The following RGS17 variants were observed in gnomAD, a reference collection of about 807,000 sequenced individuals.
RGS17 encodes regulator of G protein signaling 17.
Under a neutral mutation model 25.5 loss-of-function variants are expected in RGS17, and 12 were observed. The ratio of observed to expected loss-of-function variants is 0.47; its 90% CI spans 0.30 to 0.76. RGS17 has a LOEUF of 0.76. RGS17 is among the 30% of genes least tolerant of loss of function. The pLI is 0.07. For missense variants in RGS17, 196 were observed against 242.2 expected, an observed-to-expected ratio of 0.81 and a Z score of 1.27; for synonymous variants, 71 against 76.9, an observed-to-expected ratio of 0.92 and a Z score of 0.40.
Position 153,102,210 on chromosome 6 carries a change from G to A in RGS17, c.-26+28914C>T, listed in dbSNP as rs193058176. Among the ~76,000 whole-genome samples, 503 of 152,328 alleles carry A rather than the reference G, an allele frequency of 3.3e-3. 3 individuals carry two copies. Among genetic ancestry groups the A allele is most frequent in the African/African-American group, 0.011 (470 of 41,572 alleles). ...TGATGGGACACCAGCAAGGAGGACA[G>A]GAAATGGAACATGACAGAGACACAC... On this transcript the variant is annotated intron_variant, in intron 1 of 4. Coordinates refer to ENST00000206262, the MANE Select transcript of RGS17 (RefSeq NM_012419.5).
rs1362419825 is a variant in RGS17, at chr6:153,008,443, TCTA to T, written c.*3128_*3130del. 1 of 152,212 alleles carries T rather than the reference TCTA, an allele frequency of 6.6e-6. No individual in the cohort carries two copies. The highest frequency in any genetic ancestry group is 2.4e-5 in the African/African-American group (1 of 41,460). The allele number at this position is 152,212 out of a possible 1,614,324, so 9.4% of individuals were successfully genotyped here. A position where few individuals can be genotyped will look rare whatever the true frequency, so the allele number is the denominator to read the frequency against. On this transcript the variant is annotated 3_prime_UTR_variant, in exon 5 of 5. Coordinates refer to ENST00000206262, the MANE Select transcript of RGS17 (RefSeq NM_012419.5). Reference sequence around the variant, plus strand: ...CACACTCCAACACTGTCAGAGCATCTCTACTACCTTTGGATAACATCATAACAG... The same window carrying T: ...CACACTCCAACACTGTCAGAGCATCTCTACCTTTGGATAACATCATAACAG...
chr6:153,050,875 C>T (rs1248303763), intron 1 of RGS17, among the ~76,000 whole-genome samples: 3 of 148,018 alleles, frequency 2.0e-5, no homozygotes, highest in Admixed American at 1.3e-4. Context: ...GGAGATGGGG[C>T]CAAATATAAT....
intron 1 of RGS17, among the ~76,000 whole-genome samples, chr6:153,114,681 T>C (rs544626460): frequency 6.2e-4 from 95 of 152,224 alleles, no homozygotes; most frequent in African/African-American, 2.2e-3. Flanking sequence ...AAATCCTCAA[T>C]AAGATACTGG....
chr6:153,081,267 C>T (rs906325400), intron 1 of RGS17, among the ~76,000 whole-genome samples: 1 of 151,876 alleles, frequency 6.6e-6, no homozygotes, highest in African/African-American at 2.4e-5. Flanking sequence ...TTTTGGATAC[C>T]TTGAAGTCCT....
At chr6:153,015,291 T>C (rs1431371630) in intron 4 of RGS17, among the ~76,000 whole-genome samples, 1 of 152,184 alleles carries the variant, frequency 6.6e-6, no homozygotes, top group Non-Finnish European at 1.5e-5. Context: ...GAGGATTGAC[T>C]CCTATTTTGA....
chr6:153,008,337 A>G lies in RGS17; in HGVS notation c.*3237T>C, dbSNP rs1562310232. 1.3e-5 allele frequency: 2 copies of G among 152,192 alleles called. No homozygotes were observed. Among genetic ancestry groups the G allele is most frequent in the Non-Finnish European group, 2.9e-5 (2 of 68,028 alleles). The allele number at this position is 152,192 out of a possible 1,614,324, so 9.4% of individuals were successfully genotyped here. Reference sequence around the variant, plus strand: ...TACATATTTTAAGATTTCAAAAAAAAAAAACATCACATTATGGTCTTGACT... The same window carrying G: ...TACATATTTTAAGATTTCAAAAAAAGAAAACATCACATTATGGTCTTGACT... On this transcript the variant is annotated 3_prime_UTR_variant, in exon 5 of 5. Transcript: ENST00000206262.
At chr6:153,038,579 C>T (rs1776281962) in intron 2 of RGS17, among the ~76,000 whole-genome samples, 1 of 152,192 alleles carries the variant, frequency 6.6e-6, no homozygotes, top group South Asian at 2.1e-4. Context: ...TGAATCAGCT[C>T]TCTGAGGGTG....
intron 4 of RGS17, among the ~76,000 whole-genome samples, chr6:153,013,458 C>A (rs1425833198): frequency 1.3e-5 from 2 of 152,062 alleles, no homozygotes; most frequent in Non-Finnish European, 2.9e-5. Flanking sequence ...CAGTTAATAA[C>A]CCGCCAGTGG....
At chr6:153,084,609 A>G (rs561239947) in intron 1 of RGS17, among the ~76,000 whole-genome samples, 1 of 152,316 alleles carries the variant, frequency 6.6e-6, no homozygotes, top group South Asian at 2.1e-4. Context: ...AGGAAATTTT[A>G]TTTTTAAAAA....
At chr6:153,042,757 A>G (rs191231028) in intron 2 of RGS17, among the ~76,000 whole-genome samples, 110 of 152,314 alleles carry the variant, frequency 7.2e-4, no homozygotes, top group African/African-American at 2.6e-3. Flanking sequence ...GAGTGGATGG[A>G]ACTTGTTCGT....
At chr6:153,046,281 C>A (rs1220196526) in intron 1 of RGS17, among the ~76,000 whole-genome samples, 1 of 150,424 alleles carries the variant, frequency 6.6e-6, no homozygotes, top group Non-Finnish European at 1.5e-5. Context: ...TGTTCCACAT[C>A]GCTGTAGGAT....
intron 4 of RGS17, among the ~76,000 whole-genome samples, chr6:153,014,534 C>G (rs1584117293): frequency 6.6e-6 from 1 of 152,154 alleles, no homozygotes; most frequent in Admixed American, 6.5e-5. Flanking sequence ...CGCGGTGGCT[C>G]ACGCCTGTAA....
intron 2 of RGS17, among the ~76,000 whole-genome samples, chr6:153,038,223 C>T (rs1776276482): frequency 6.6e-6 from 1 of 152,204 alleles, no homozygotes; most frequent in Admixed American, 6.5e-5. Flanking sequence ...TCTACAATTT[C>T]TTCCTCCTGG....
rs1304525780 is a variant in RGS17, at chr6:153,061,109, C to A, written c.-25-17066G>T. On this transcript the variant is annotated intron_variant, in intron 1 of 4. Transcript: ENST00000206262. ...TAGAAATTTTAGAAAGACTGGAAGA[C>A]AAATATGGACAAAGTAATGCTTTTA... Among the ~76,000 whole-genome samples, 4 of 152,268 alleles carry A rather than the reference C, an allele frequency of 2.6e-5. No homozygotes were observed. The East Asian group carries it at 7.7e-4, about 29-fold the overall frequency.
At chr6:153,047,592 A>G (rs1776401270) in intron 1 of RGS17, among the ~76,000 whole-genome samples, 1 of 152,198 alleles carries the variant, frequency 6.6e-6, no homozygotes, top group South Asian at 2.1e-4. Flanking sequence ...AGCTCATGAT[A>G]GCTGAGCTCT....
chr6:153,069,286 C>T (rs1298925591), intron 1 of RGS17, among the ~76,000 whole-genome samples: 1 of 152,086 alleles, frequency 6.6e-6, no homozygotes, highest in Non-Finnish European at 1.5e-5. Context: ...AGAATGAGAT[C>T]CTGTAATTTG....
Position 153,103,948 on chromosome 6 carries a change from T to C in RGS17, c.-26+27176A>G, listed in dbSNP as rs374973828. On this transcript the variant is annotated intron_variant, in intron 1 of 4. Transcript: ENST00000206262. Reference sequence around the variant, plus strand: ...GCTTTGAAGAGGATACCACATCTTATTGAACCAAAGATATCATTGATTGTA... The same window carrying C: ...GCTTTGAAGAGGATACCACATCTTACTGAACCAAAGATATCATTGATTGTA... 1.0e-3 allele frequency among the ~76,000 whole-genome samples: 156 copies of C among 152,354 alleles called. 2 individuals carry two copies. Among genetic ancestry groups the C allele is most frequent in the African/African-American group, 3.6e-3 (150 of 41,582 alleles).
chr6:153,019,098 G>C (rs1779213110), intron 4 of RGS17, among the ~76,000 whole-genome samples: 1 of 152,176 alleles, frequency 6.6e-6, no homozygotes, highest in Non-Finnish European at 1.5e-5. Flanking sequence ...CCATTCCCCA[G>C]AGCTTGAACA....
chr6:153,127,874 C>T (rs914831225), intron 1 of RGS17, among the ~76,000 whole-genome samples: 9 of 152,062 alleles, frequency 5.9e-5, no homozygotes, highest in African/African-American at 1.9e-4. Flanking sequence ...AAGACTTTTG[C>T]GAGCCATGTC....
Sources: allele counts gnomAD v4.1 joint callset (sites outside exome capture counted in the v4.1 genomes callset), GRCh38; gene constraint gnomAD v4.1.1; transcripts MANE v1.5; gene names NCBI Gene and HGNC (gene_info 2026-07-23, HGNC 2026-07-21).